The following LRRC75B variants were observed in gnomAD, a reference collection of about 807,000 sequenced individuals.
LRRC75B encodes leucine rich repeat containing 75B.
LRRC75B carries 20 observed loss-of-function variants against 16.5 expected under a neutral mutation model. The observed-to-expected ratio is 1.21, with a 90% CI of 0.85 to 1.76. LRRC75B has a LOEUF of 1.76. Among genes scored for constraint, LRRC75B ranks in the 40% most tolerant of loss-of-function variants. LRRC75B has a pLI of 0.00. For missense variants in LRRC75B, 406 were observed against 417.0 expected (o/e 0.97, Z 0.23); for synonymous variants, 199 against 198.1 (o/e 1.00, Z -0.04).
intron 2 of LRRC75B, chr22:24,589,209 G>A: frequency 8.0e-7 from 1 of 1,248,054 alleles, no homozygotes; most frequent in Non-Finnish European, 1.0e-6. Context: ...TCCTGGGGCT[G>A]TGTCGATGCT....
chr22:24,592,808 G>A lies in LRRC75B; in HGVS notation c.177+55C>T. The A allele has an allele frequency of 4.0e-6, 5 of 1,250,426 alleles. No individual in the cohort carries two copies. The South Asian group carries it at 9.3e-5, about 23-fold the overall frequency. 77.5% of individuals were successfully genotyped at this position (1,250,426 alleles called of 1,614,324 possible). ...TAGCCCCGCGCCTCCCAGACCCCCA[G>A]ACCCCCAGACCCTCCCTGGCCGCCA... On this transcript the variant is annotated intron_variant, in intron 1 of 3. Coordinates refer to ENST00000318753, the MANE Select transcript of LRRC75B (RefSeq NM_207644.3).
At chr22:24,587,976 GA>G (rs2045448289) in intron 3 of LRRC75B, among the ~76,000 whole-genome samples, 1 of 152,196 alleles carries the variant, frequency 6.6e-6, no homozygotes, top group African/African-American at 2.4e-5. Flanking sequence ...TGAATGGCAG[GA>G]GGCAGGACCG....
Position 24,592,846 on chromosome 22 carries a change from A to G in LRRC75B, c.177+17T>C, listed in dbSNP as rs2147178387. The G allele has an allele frequency of 7.8e-7, 1 of 1,275,506 alleles. No individual in the cohort carries two copies. The allele number at this position is 1,275,506 out of a possible 1,614,324, so 79.0% of individuals were successfully genotyped here. On this transcript the variant is annotated intron_variant, in intron 1 of 3. Transcript: ENST00000318753. The stretch of plus-strand genomic sequence containing the variant: ...TCCCTGGCCGCCAGCCCAGGGGCGG[A>G]CGGCTCCTTCTCTCGCCTGGCGCAG...
At position 24,592,687 on chromosome 22, in the gene LRRC75B, C is replaced by G. The variant is rs377091098; in HGVS notation, c.177+176G>C. On this transcript the variant is annotated intron_variant, in intron 1 of 3. Transcript: ENST00000318753. ...GGTCGCCCTCTCGCCCACGCAAGAC[C>G]CCGCGTGCTGCAGCCTGTCGCGCCC... 2,264 of 1,179,240 alleles carry G rather than the reference C, an allele frequency of 1.9e-3. 68 individuals carry two copies. The South Asian group carries it at 0.035, about 18-fold the overall frequency. 73.0% of individuals were successfully genotyped at this position (1,179,240 alleles called of 1,614,324 possible).
rs969433739 is a variant in LRRC75B at position 24,588,137 on chromosome 22, G to C, written c.422+77C>G. The stretch of plus-strand genomic sequence containing the variant: ...GGTGGGATTTCAGCACCAGCCTCTT[G>C]GTGAGAGTGCAGGTGTCAACCTGAG... On this transcript the variant is annotated intron_variant, in intron 3 of 3. Coordinates refer to ENST00000318753, the MANE Select transcript of LRRC75B (RefSeq NM_207644.3). The C allele has an allele frequency of 4.4e-6, 5 of 1,132,632 alleles. No individual in the cohort carries two copies. The African/African-American group carries it at 7.6e-5, about 17-fold the overall frequency. 70.2% of individuals were successfully genotyped at this position (1,132,632 alleles called of 1,614,324 possible).
chr22:24,586,554 A>T (rs9612662), intron 3 of LRRC75B, 143 bp from the exon 4 acceptor site: 253,038 of 944,802 alleles, frequency 0.27, 37,660 homozygotes, highest in East Asian at 0.45. Context: ...TTTTTGAGAC[A>T]AAGTTTCGCT....
chr22:24,589,354 T>G, intron 2 of LRRC75B: 1 of 1,135,348 alleles, frequency 8.8e-7, no homozygotes, highest in Non-Finnish European at 1.1e-6. Context: ...GGGAAAGCAG[T>G]GAGCACCCGT....
rs2045614947 is a variant in LRRC75B, at chr22:24,592,864, TGGCGCAGGA to T, written c.167_175del (p.Leu56_Arg58del). The T allele has an allele frequency of 7.8e-7, 1 of 1,280,352 alleles. No individual in the cohort carries two copies. 79.3% of individuals were successfully genotyped at this position (1,280,352 alleles called of 1,614,324 possible). ...GGGGCGGACGGCTCCTTCTCTCGCCTGGCGCAGGAGGCGCAGCAGCTGCCGGGCGCGCTC... is the reference window on the plus strand; with the variant it reads ...GGGGCGGACGGCTCCTTCTCTCGCCTGGCGCAGCAGCTGCCGGGCGCGCTC... On this transcript the variant is annotated inframe_deletion and splice_region_variant, in exon 1 of 4. Transcript: ENST00000318753.
At position 24,585,956 on chromosome 22, in the gene LRRC75B, G is replaced by C; in HGVS notation, c.878C>G (p.Thr293Ser). The part of the protein sequence containing the change: ...EPEGSAAGAT[T>S]PASTWDSTAA... ...TGTGGAGTCCCAGGTGGAGGCAGGG[G>C]TGGTGGCCCCGGCCGCACTGCCCTC... The change falls in exon 4 of 4, where the codon ACC becomes AGC. Residue 293 changes from threonine to serine, a missense_variant. Thr to Ser is a moderately conservative substitution (Grantham distance 58, BLOSUM62 1). Coordinates refer to ENST00000318753, the MANE Select transcript of LRRC75B (RefSeq NM_207644.3). 6.2e-7 allele frequency: 1 copy of C among 1,609,772 alleles called. No individual in the cohort carries two copies. The highest frequency in any genetic ancestry group is 8.5e-7 in the Non-Finnish European group (1 of 1,179,628).
chr22:24,590,855 C>G (rs1051602054), intron 1 of LRRC75B, among the ~76,000 whole-genome samples: 1 of 152,124 alleles, frequency 6.6e-6, no homozygotes, highest in African/African-American at 2.4e-5. Flanking sequence ...GCCAGAAGCT[C>G]TGGAACCCCC....
In LRRC75B at chr22:24,588,285, G is replaced by A. The variant is rs550748808; in HGVS notation, c.351C>T (p.Leu117=). The A allele has an allele frequency of 2.5e-6, 4 of 1,613,642 alleles. No individual in the cohort carries two copies. Among genetic ancestry groups the A allele is most frequent in the Non-Finnish European group, 3.4e-6 (4 of 1,179,918 alleles). ...TCGAGTGAGGGGTGAGGTGGTAGAT[G>A]AGCTGTCGGCAGATCTTGTCCGAGG... The part of the protein sequence containing the change: ...WKSSDKICRQ[L]IYHLTPHSKQ... The change falls in exon 3 of 4, where the codon CTC becomes CTT. Residue 117 remains leucine, a synonymous_variant. Transcript: ENST00000318753.
intron 3 of LRRC75B, among the ~76,000 whole-genome samples, chr22:24,586,635 G>A (rs1569035093): frequency 6.6e-6 from 1 of 152,240 alleles, no homozygotes; most frequent in Non-Finnish European, 1.5e-5. Flanking sequence ...GGATTCAAGC[G>A]ATTCTCCTGC....
chr22:24,590,010 C>T (rs2045521358), intron 1 of LRRC75B, 61 bp from the exon 2 acceptor site: 6 of 1,481,856 alleles, frequency 4.0e-6, no homozygotes, highest in East Asian at 2.6e-5. Context: ...GAGGCACCAC[C>T]CCAGCCAGCC....
chr22:24,591,511 T>G (rs565714526), intron 1 of LRRC75B, among the ~76,000 whole-genome samples: 2 of 152,160 alleles, frequency 1.3e-5, no homozygotes, highest in African/African-American at 2.4e-5. Flanking sequence ...GCACAGGAAG[T>G]TGGGCCAGGC....
At chr22:24,592,430 G>A (rs1338302432) in intron 1 of LRRC75B, 1 of 470,500 alleles carries the variant, frequency 2.1e-6, no homozygotes, top group African/African-American at 2.0e-5. Context: ...GATCCTGGAG[G>A]AGGGGGAAGT....
At chr22:24,591,828 C>T (rs916143723) in intron 1 of LRRC75B, among the ~76,000 whole-genome samples, 1 of 152,250 alleles carries the variant, frequency 6.6e-6, no homozygotes, top group African/African-American at 2.4e-5. Context: ...GACAGGGCCC[C>T]AGACCGCAAC....
Position 24,586,241 on chromosome 22 carries a change from T to A in LRRC75B, c.593A>T (p.His198Leu). Residue 198 changes from histidine (H) to leucine (L), a missense_variant, in exon 4 of 4, where the codon CAC becomes CTC. Transcript: ENST00000318753. Reference protein sequence around the residue: ...SFTGLSDELLHLLLPSLWALP... With the variant: ...SFTGLSDELLLLLLPSLWALP... ...CGCCCACAGGCTGGGCAGCAGGAGG[T>A]GCAGCAGCTCATCACTCAGCCCCGT... is the stretch of plus-strand genomic sequence containing the variant. The A allele has an allele frequency of 6.2e-7, 1 of 1,613,336 alleles. No homozygotes were observed.
chr22:24,586,168 C>T lies in LRRC75B; in HGVS notation c.666G>A (p.Arg222=), dbSNP rs1359870749. The change falls in exon 4 of 4, where the codon CGG becomes CGA. Residue 222 remains arginine (R), a synonymous_variant. Transcript: ENST00000318753. ...CATCAGTGAGCTTGCGGGCAGTGGC[C>T]CGCGTCAGTCGGTTGCCGTTGAGCA... ...QLLLNGNRLT[R]ATARKLTDAI... The T allele has an allele frequency of 6.2e-7, 1 of 1,613,590 alleles. No individual in the cohort carries two copies. Among genetic ancestry groups the T allele is most frequent in the Admixed American group, 1.7e-5 (1 of 60,032 alleles).
In LRRC75B at chr22:24,588,244, G is replaced by T. The variant is rs2045457223; in HGVS notation, c.392C>A (p.Ser131Tyr). ...LTPHSKQQQG[S>Y]SLRQRKTQSC... ...CTGGGTCTTCCTCTGGCGCAGGCTGGACCCTTGCTGCTGCTTCGAGTGAGG... is the reference window on the plus strand; with the variant it reads ...CTGGGTCTTCCTCTGGCGCAGGCTGTACCCTTGCTGCTGCTTCGAGTGAGG... Residue 131 changes from serine to tyrosine, a missense_variant, in exon 3 of 4, where the codon TCC becomes TAC. Physicochemically the swap from Ser to Tyr is moderately radical, Grantham distance 144. Coordinates refer to ENST00000318753, the MANE Select transcript of LRRC75B (RefSeq NM_207644.3). 6.2e-7 allele frequency: 1 copy of T among 1,613,364 alleles called. No individual in the cohort carries two copies. Among genetic ancestry groups the T allele is most frequent in the Non-Finnish European group, 8.5e-7 (1 of 1,179,844 alleles).
Sources: allele counts gnomAD v4.1 joint callset (sites outside exome capture counted in the v4.1 genomes callset), GRCh38; gene constraint gnomAD v4.1.1; transcripts MANE v1.5; gene names NCBI Gene and HGNC (gene_info 2026-07-23, HGNC 2026-07-21).